The following MAML3 variants were observed in gnomAD, a reference collection of about 807,000 sequenced individuals.
MAML3 encodes the protein mastermind-like protein 3.
Under a neutral mutation model 101.9 loss-of-function variants are expected in MAML3, and 27 were observed. The observed-to-expected ratio is 0.27, with a 90% CI of 0.20 to 0.37. The LOEUF is 0.37. Among genes scored for constraint, MAML3 ranks in the 10% least tolerant of loss-of-function variants. MAML3 has a pLI of 1.00. For synonymous variants in MAML3, 501 were observed against 555.9 expected (o/e 0.90, Z 1.39); for missense variants, 1,316 against 1,444.9 (o/e 0.91, Z 1.45).
chr4:139,755,977 A>T (rs1578585354), intron 2 of MAML3, among the ~76,000 whole-genome samples: 1 of 152,388 alleles, frequency 6.6e-6, no homozygotes, highest in South Asian at 2.1e-4. Context: ...TTACGTCAAA[A>T]CACCCGCTAT....
chr4:140,072,383 T>C (rs1727674474), intron 1 of MAML3, among the ~76,000 whole-genome samples: 1 of 152,052 alleles, frequency 6.6e-6, no homozygotes, highest in Admixed American at 6.6e-5. Context: ...TAACTTAAAG[T>C]ATACAGGCCA....
chr4:139,926,659 T>TA (rs1454395863), intron 1 of MAML3, among the ~76,000 whole-genome samples: 7 of 152,354 alleles, frequency 4.6e-5, no homozygotes, highest in African/African-American at 1.7e-4. Context: ...ACAATTTATG[T>TA]AATTAATTAA....
At chr4:139,889,116 A>C in intron 2 of MAML3, 3 of 761,498 alleles carry the variant, frequency 3.9e-6, no homozygotes, top group Admixed American at 1.8e-5. Flanking sequence ...GCAGTTGGGA[A>C]TAAAAGAAGT....
intron 2 of MAML3, among the ~76,000 whole-genome samples, chr4:139,770,563 A>G (rs959195881): frequency 6.6e-6 from 1 of 152,206 alleles, no homozygotes; most frequent in African/African-American, 2.4e-5. Flanking sequence ...GCAGGACAGA[A>G]TAGGATACTG....
chr4:140,007,768 C>T (rs1726475496), intron 1 of MAML3, among the ~76,000 whole-genome samples: 1 of 152,162 alleles, frequency 6.6e-6, no homozygotes, highest in South Asian at 2.1e-4. Flanking sequence ...ATTCTTGACC[C>T]TGTGCCTTCT....
At chr4:139,977,857 A>C (rs1734370559) in intron 1 of MAML3, among the ~76,000 whole-genome samples, 1 of 152,040 alleles carries the variant, frequency 6.6e-6, no homozygotes, top group South Asian at 2.1e-4. Flanking sequence ...AGGGCCACAG[A>C]GTGAAACTCC....
chr4:139,990,879 C>A (rs1398431541), intron 1 of MAML3, among the ~76,000 whole-genome samples: 5 of 152,144 alleles, frequency 3.3e-5, no homozygotes, highest in Non-Finnish European at 5.9e-5. Flanking sequence ...GAACTACATA[C>A]CACTGTTCAA....
chr4:139,845,471 T>C (rs1367247130), intron 2 of MAML3, among the ~76,000 whole-genome samples: 1 of 152,244 alleles, frequency 6.6e-6, no homozygotes, highest in Non-Finnish European at 1.5e-5. Context: ...TATTTTGCTG[T>C]GTAAGTTCAT....
At position 139,907,933 on chromosome 4, in the gene MAML3, T is replaced by C. The variant is rs560408910; in HGVS notation, c.469-16966A>G. Among the ~76,000 whole-genome samples the C allele has an allele frequency of 7.9e-5, 12 of 152,336 alleles. No individual in the cohort carries two copies. In the South Asian group the frequency reaches 1.9e-3, roughly 24 times the overall value. On this transcript the variant is annotated intron_variant, in intron 1 of 4. Coordinates refer to ENST00000509479, the MANE Select transcript of MAML3 (RefSeq NM_018717.5). ...ACTAGATACTGGACCAGGTTACATA[T>C]AGAAGCCGTCTACCTTTTCTGGGTG...
chr4:139,907,793 T>C (rs1247094379), intron 1 of MAML3, among the ~76,000 whole-genome samples: 1 of 152,248 alleles, frequency 6.6e-6, no homozygotes, highest in Non-Finnish European at 1.5e-5. Context: ...TATCCCATTC[T>C]GGCAACCACA....
At chr4:139,906,629 T>C (rs1056219974) in intron 1 of MAML3, among the ~76,000 whole-genome samples, 1 of 152,222 alleles carries the variant, frequency 6.6e-6, no homozygotes, top group Non-Finnish European at 1.5e-5. Context: ...GTTCAGAGTT[T>C]GTCAACTTTC....
intron 1 of MAML3, among the ~76,000 whole-genome samples, chr4:139,906,056 C>G (rs1732818042): frequency 6.6e-6 from 1 of 152,156 alleles, no homozygotes; most frequent in African/African-American, 2.4e-5. Context: ...AGGCAAGTAA[C>G]TCAACAACTG....
At chr4:139,764,915 G>C (rs1471154400) in intron 2 of MAML3, among the ~76,000 whole-genome samples, 1 of 146,236 alleles carries the variant, frequency 6.8e-6, no homozygotes, top group Non-Finnish European at 1.5e-5. Flanking sequence ...ACCTACTCTG[G>C]GCAGCTCCCA....
chr4:139,846,215 T>C (rs904251552), intron 2 of MAML3, among the ~76,000 whole-genome samples: 6 of 152,236 alleles, frequency 3.9e-5, no homozygotes, highest in Non-Finnish European at 8.8e-5. Flanking sequence ...GCACTGTACT[T>C]TATTTTTATT....
intron 1 of MAML3, among the ~76,000 whole-genome samples, chr4:140,119,605 C>CCTT (rs1728571355): frequency 6.5e-5 from 7 of 108,434 alleles, no homozygotes; most frequent in African/African-American, 2.4e-4. Context: ...CTCCCTCCCT[C>CCTT]CCTCCCTTCC....
chr4:139,780,799 T>G (rs1381093295), intron 2 of MAML3, among the ~76,000 whole-genome samples: 1 of 151,994 alleles, frequency 6.6e-6, no homozygotes, highest in Non-Finnish European at 1.5e-5. Flanking sequence ...GCCAGCTAAT[T>G]TTGTATTTTT....
chr4:139,905,115 T>C (rs1732796712), intron 1 of MAML3, among the ~76,000 whole-genome samples: 2 of 152,224 alleles, frequency 1.3e-5, no homozygotes, highest in African/African-American at 4.8e-5. Flanking sequence ...GGTAAGAAGC[T>C]TGGACTTTAT....
At chr4:140,074,193 A>AAG (rs1491072099) in intron 1 of MAML3, among the ~76,000 whole-genome samples, 52 of 91,934 alleles carry the variant, frequency 5.7e-4, no homozygotes, top group African/African-American at 1.6e-3. Flanking sequence ...GAGAGAGAGA[A>AAG]AGAAAGAGAA....
intron 1 of MAML3, among the ~76,000 whole-genome samples, chr4:139,894,557 A>AAGAAAGAAAGAG (rs1553962900): frequency 2.0e-5 from 3 of 148,608 alleles, no homozygotes; most frequent in African/African-American, 7.7e-5. Context: ...GAAAGAAAGA[A>AAGAAAGAAAGAG]AGAAAGAAAA....
Sources: gnomAD v4.1 joint callset for allele counts (sites outside exome capture counted in the v4.1 genomes callset) on GRCh38, gnomAD v4.1.1 for gene constraint, MANE v1.5 for transcripts, NCBI Gene and HGNC (gene_info 2026-07-23, HGNC 2026-07-21) for gene names.